NRG3: variants seen among roughly 807,000 people sequenced by gnomAD.
NRG3 encodes pro-neuregulin-3, membrane-bound isoform.
A neutral mutation model predicts 66.9 loss-of-function variants in NRG3; 31 were observed. That is an observed-to-expected ratio of 0.46 (90% confidence interval 0.35 to 0.63). The LOEUF (loss-of-function observed/expected upper bound fraction) is 0.63. Ranked by LOEUF, NRG3 falls within the 20% of genes least tolerant of loss-of-function variation. The pLI is 0.00. For missense variants in NRG3, 910 were observed against 878.9 expected, an observed-to-expected ratio of 1.04 and a Z score of -0.45; for synonymous variants, 393 against 359.4, an observed-to-expected ratio of 1.09 and a Z score of -1.06.
At chr10:82,362,464 C>T (rs189999713) in intron 2 of NRG3, among the ~76,000 whole-genome samples, 1 of 150,232 alleles carries the variant, frequency 6.7e-6, no homozygotes, top group Non-Finnish European at 1.5e-5. Flanking sequence ...GCCTCAATCT[C>T]CTGAGCTCAG....
chr10:82,496,008 G>A (rs549153434), intron 2 of NRG3, among the ~76,000 whole-genome samples: 3 of 151,994 alleles, frequency 2.0e-5, no homozygotes, highest in Non-Finnish European at 4.4e-5. Context: ...ATTTATTGAC[G>A]TTCATAAAGA....
At chr10:82,723,091 T>C (rs1199884488) in intron 2 of NRG3, among the ~76,000 whole-genome samples, 2 of 152,086 alleles carry the variant, frequency 1.3e-5, no homozygotes, top group Admixed American at 6.5e-5. Flanking sequence ...CAACAGTGGA[T>C]TGGATAAGAA....
intron 1 of NRG3, among the ~76,000 whole-genome samples, chr10:82,267,561 A>C (rs916982092): frequency 6.6e-6 from 1 of 152,186 alleles, no homozygotes; most frequent in African/African-American, 2.4e-5. Flanking sequence ...CTGCTGTTTC[A>C]TTCTAAGCCT....
At chr10:82,904,761 G>T (rs1844566884) in intron 4 of NRG3, among the ~76,000 whole-genome samples, 2 of 152,074 alleles carry the variant, frequency 1.3e-5, no homozygotes, top group African/African-American at 4.8e-5. Flanking sequence ...AGTAGATGGG[G>T]AAATGATTTC....
chr10:82,171,605 A>G (rs550774174), intron 1 of NRG3, among the ~76,000 whole-genome samples: 50 of 152,240 alleles, frequency 3.3e-4, no homozygotes, highest in African/African-American at 1.2e-3. Flanking sequence ...GGCTTAAGCA[A>G]AATAGAACTA....
intron 3 of NRG3, among the ~76,000 whole-genome samples, chr10:82,795,950 A>G (rs2060783284): frequency 1.3e-5 from 2 of 152,002 alleles, no homozygotes; most frequent in Admixed American, 1.3e-4. Context: ...TAACAATTCT[A>G]AAAGAAGGTC....
chr10:82,604,243 A>G (rs1216551020), intron 2 of NRG3, among the ~76,000 whole-genome samples: 1 of 152,058 alleles, frequency 6.6e-6, no homozygotes, highest in East Asian at 1.9e-4. Flanking sequence ...TATTTTTACT[A>G]TCTACATAGT....
At chr10:82,813,982 C>T (rs1041235443) in intron 3 of NRG3, among the ~76,000 whole-genome samples, 3 of 152,208 alleles carry the variant, frequency 2.0e-5, no homozygotes, top group African/African-American at 7.2e-5. Flanking sequence ...ATCAGGGCTG[C>T]TACTTAGAAG....
chr10:82,153,235 C>T (rs1028317923), intron 1 of NRG3, among the ~76,000 whole-genome samples: 2 of 152,106 alleles, frequency 1.3e-5, no homozygotes, highest in African/African-American at 4.8e-5. Flanking sequence ...CTGATAAACA[C>T]CACTGTACTC....
At chr10:82,262,168 A>G (rs984528596) in intron 1 of NRG3, among the ~76,000 whole-genome samples, 1 of 152,214 alleles carries the variant, frequency 6.6e-6, no homozygotes, top group African/African-American at 2.4e-5. Flanking sequence ...ATAGCTATGC[A>G]AGAATGGACT....
intron 1 of NRG3, among the ~76,000 whole-genome samples, chr10:82,198,795 G>A (rs1161610320): frequency 2.0e-5 from 3 of 151,976 alleles, no homozygotes; most frequent in African/African-American, 4.8e-5. Flanking sequence ...TCAGAAGTTC[G>A]AGACCAGCCT....
chr10:82,857,923 C>T (rs2063899253), intron 3 of NRG3, among the ~76,000 whole-genome samples: 1 of 152,232 alleles, frequency 6.6e-6, no homozygotes, highest in Admixed American at 6.5e-5. Context: ...GATAATATCC[C>T]TTTCTTTTTA....
At chr10:82,792,513 A>G (rs996317845) in intron 3 of NRG3, among the ~76,000 whole-genome samples, 4 of 151,798 alleles carry the variant, frequency 2.6e-5, no homozygotes, top group Non-Finnish European at 5.9e-5. Flanking sequence ...TCTATTCTTC[A>G]TCTCTATTAG....
intron 1 of NRG3, chr10:82,232,951 T>G (rs2076559987): frequency 1.5e-6 from 1 of 658,218 alleles, no homozygotes; most frequent in Admixed American, 2.3e-5. Context: ...AGTTGCCTGG[T>G]ACCTGGCCCT....
chr10:82,176,055 C>T (rs1408823807), intron 1 of NRG3, among the ~76,000 whole-genome samples: 1 of 152,152 alleles, frequency 6.6e-6, no homozygotes, highest in East Asian at 1.9e-4. Context: ...ATTACCCTTG[C>T]ATCCAACTTA....
At chr10:82,176,065 A>G (rs902988377) in intron 1 of NRG3, among the ~76,000 whole-genome samples, 14 of 152,194 alleles carry the variant, frequency 9.2e-5, no homozygotes, top group African/African-American at 2.9e-4. Flanking sequence ...CATCCAACTT[A>G]GGAAGCTCTG....
At chr10:82,271,473 G>A (rs2078592059) in intron 1 of NRG3, among the ~76,000 whole-genome samples, 1 of 152,046 alleles carries the variant, frequency 6.6e-6, no homozygotes, top group Admixed American at 6.6e-5. Context: ...TCTTATGAAT[G>A]TTGTATGGAA....
Position 82,735,356 on chromosome 10 carries a change from A to G in NRG3, c.954-3221A>G, listed in dbSNP as rs117288045. ...CTGTGATGCCAGGCTCCTAAGGGAT[A>G]AAGAAATACAAAGAACAGTGACTGG... On this transcript the variant is annotated intron_variant, in intron 2 of 8. Transcript: ENST00000372141. Among the ~76,000 whole-genome samples the G allele has an allele frequency of 6.1e-3, 926 of 152,298 alleles. 5 individuals carry two copies. The highest frequency in any genetic ancestry group is 0.01 in the Non-Finnish European group (702 of 68,026).
At chr10:82,254,893 G>A (rs1393894386) in intron 1 of NRG3, among the ~76,000 whole-genome samples, 2 of 151,810 alleles carry the variant, frequency 1.3e-5, no homozygotes, top group African/African-American at 4.8e-5. Flanking sequence ...AGACCAATAT[G>A]CCATGCAGAA....
Sources: allele counts gnomAD v4.1 joint callset (sites outside exome capture counted in the v4.1 genomes callset), GRCh38; gene constraint gnomAD v4.1.1; transcripts MANE v1.5; gene names NCBI Gene and HGNC (gene_info 2026-07-23, HGNC 2026-07-21).